Variants in GNAQ observed in about 807,000 individuals in gnomAD.
GNAQ encodes guanine nucleotide-binding protein G(q) subunit alpha.
A neutral mutation model predicts 43.9 loss-of-function variants in GNAQ; 8 were observed. That is an observed-to-expected ratio of 0.18 (90% CI 0.11 to 0.33). The LOEUF (loss-of-function observed/expected upper bound fraction) is 0.33, where lower values mean the gene tolerates loss of function less well. GNAQ is among the 10% of genes least tolerant of loss of function. The probability of loss-of-function intolerance (pLI) is 1.00; values close to 1 mark genes in which losing one functional copy is unlikely to be tolerated. For synonymous variants in GNAQ, 155 were observed against 170.7 expected, an observed-to-expected ratio of 0.91 and a Z score of 0.71; for missense variants, 158 against 450.8, an observed-to-expected ratio of 0.35 and a Z score of 5.88.
intron 2 of GNAQ, among the ~76,000 whole-genome samples, chr9:77,900,460 T>C (rs1447117212): frequency 6.6e-6 from 1 of 152,186 alleles, no homozygotes; most frequent in Non-Finnish European, 1.5e-5. Flanking sequence ...TCACTACCAG[T>C]AAGGCAGGCT....
At chr9:77,763,216 A>C (rs1421423171) in intron 5 of GNAQ, among the ~76,000 whole-genome samples, 1 of 151,966 alleles carries the variant, frequency 6.6e-6, no homozygotes, top group African/African-American at 2.4e-5. Flanking sequence ...AAAGGATATG[A>C]TCTATAAAAC....
At chr9:77,727,087 C>CT (rs60016428) in intron 6 of GNAQ, among the ~76,000 whole-genome samples, 2,052 of 139,208 alleles carry the variant, frequency 0.015, 44 homozygotes, top group African/African-American at 0.048. Context: ...AATAAATAAA[C>CT]TTTTTTTTTT....
chr9:77,795,228 ATAC>A (rs1009432074), intron 4 of GNAQ, among the ~76,000 whole-genome samples: 2 of 152,196 alleles, frequency 1.3e-5, no homozygotes, highest in African/African-American at 4.8e-5. Flanking sequence ...GTGAATGAAG[ATAC>A]TACAAGGTAC....
chr9:77,889,592 G>A, intron 2 of GNAQ, among the ~76,000 whole-genome samples: 1 of 152,088 alleles, frequency 6.6e-6, no homozygotes, highest in East Asian at 1.9e-4. Flanking sequence ...GACACATGTT[G>A]ATCCTTCCAG....
chr9:77,990,370 C>T (rs1208334879), intron 1 of GNAQ, among the ~76,000 whole-genome samples: 1 of 152,144 alleles, frequency 6.6e-6, no homozygotes, highest in Non-Finnish European at 1.5e-5. Context: ...AATGAGCATG[C>T]CATTATGGCC....
At chr9:77,784,325 A>G (rs1160755612) in intron 5 of GNAQ, among the ~76,000 whole-genome samples, 2 of 152,186 alleles carry the variant, frequency 1.3e-5, no homozygotes, top group East Asian at 3.8e-4. Context: ...TGTGTACCTT[A>G]AAATAAAAGT....
intron 3 of GNAQ, among the ~76,000 whole-genome samples, chr9:77,803,010 G>A (rs10869971): frequency 0.54 from 81,355 of 151,364 alleles, 24,520 homozygotes; most frequent in Non-Finnish European, 0.68. Flanking sequence ...CGGTGGTCAG[G>A]GCCCACAAGT....
At chr9:77,864,458 G>A (rs537280864) in intron 2 of GNAQ, among the ~76,000 whole-genome samples, 1 of 152,320 alleles carries the variant, frequency 6.6e-6, no homozygotes, top group South Asian at 2.1e-4. Context: ...AGATTAGCCT[G>A]GATTATCCAA....
chr9:77,789,821 G>A (rs1175347629), intron 5 of GNAQ, among the ~76,000 whole-genome samples: 1 of 152,140 alleles, frequency 6.6e-6, no homozygotes, highest in Non-Finnish European at 1.5e-5. Flanking sequence ...GTTCATGTGT[G>A]TCTGCTTCCC....
intron 5 of GNAQ, among the ~76,000 whole-genome samples, chr9:77,733,903 G>C (rs1279840857): frequency 6.6e-6 from 1 of 152,222 alleles, no homozygotes; most frequent in African/African-American, 2.4e-5. Flanking sequence ...ATCAGAGCTT[G>C]CAAGGAGGAA....
At chr9:77,748,594 G>C (rs1421864686) in intron 5 of GNAQ, among the ~76,000 whole-genome samples, 1 of 152,200 alleles carries the variant, frequency 6.6e-6, no homozygotes, top group African/African-American at 2.4e-5. Flanking sequence ...AGTAGCCTAA[G>C]TGGTATCTGT....
At chr9:77,784,882 C>G (rs750589899) in intron 5 of GNAQ, among the ~76,000 whole-genome samples, 5 of 152,178 alleles carry the variant, frequency 3.3e-5, no homozygotes, top group African/African-American at 4.8e-5. Context: ...CAAATTCACA[C>G]CACAATGATA....
intron 2 of GNAQ, among the ~76,000 whole-genome samples, chr9:77,885,164 A>G (rs1279054048): frequency 6.6e-6 from 1 of 152,160 alleles, no homozygotes; most frequent in African/African-American, 2.4e-5. Context: ...GGTAAGGGCA[A>G]TGAAGAAATG....
rs774951302 is a variant in GNAQ at position 77,721,496 on chromosome 9, G to T, written c.907C>A (p.Gln303Lys). ...TTCAGAATGAATTCTCGGGCTGCCT[G>T]GGCATCTCTCTGGGGTCCTTTCGGC... ...PEYDGPQRDA[Q>K]AAREFILKMF... Residue 303 changes from glutamine to lysine, a missense_variant, in exon 7 of 7, where the codon CAG becomes AAG. Physicochemically the swap from Gln to Lys is moderately conservative, Grantham distance 53 (BLOSUM62 1). Coordinates refer to ENST00000286548, the MANE Select transcript of GNAQ (RefSeq NM_002072.5). 6.2e-7 allele frequency: 1 copy of T among 1,610,514 alleles called. No homozygotes were observed. Among genetic ancestry groups the T allele is most frequent in the Non-Finnish European group, 8.5e-7 (1 of 1,177,482 alleles).
chr9:77,884,090 T>C (rs756769465), intron 2 of GNAQ, among the ~76,000 whole-genome samples: 25 of 152,278 alleles, frequency 1.6e-4, no homozygotes, highest in Non-Finnish European at 2.9e-4. Context: ...AAGCAAATAA[T>C]GCAACAACTG....
At chr9:78,013,632 C>T (rs17787202) in intron 1 of GNAQ, among the ~76,000 whole-genome samples, 2,275 of 152,076 alleles carry the variant, frequency 0.015, 21 homozygotes, top group Non-Finnish European at 0.024. Context: ...TTACTAACCA[C>T]GAAGACTTAG....
chr9:77,967,972 C>T (rs1282310603), intron 1 of GNAQ, among the ~76,000 whole-genome samples: 1 of 151,984 alleles, frequency 6.6e-6, no homozygotes, highest in African/African-American at 2.4e-5. Flanking sequence ...AAGAATGAAA[C>T]TCCATCTAAA....
chr9:78,031,312 TC>T lies in GNAQ; in HGVS notation c.-78del. ...CGCACACACACCCTCCCGCCCTCGC[TC>T]CCCCGAGGCAGCGGTGGCCGCCGAG... On this transcript the variant is annotated 5_prime_UTR_variant, in exon 1 of 7. Transcript: ENST00000286548. The T allele has an allele frequency of 8.6e-7, 1 of 1,163,742 alleles. No homozygotes were observed. The highest frequency in any genetic ancestry group is 1.1e-6 in the Non-Finnish European group (1 of 908,140). 72.1% of individuals were successfully genotyped at this position (1,163,742 alleles called of 1,614,324 possible).
At chr9:77,840,369 A>G (rs1272450812) in intron 2 of GNAQ, among the ~76,000 whole-genome samples, 3 of 76,568 alleles carry the variant, frequency 3.9e-5, no homozygotes, top group African/African-American at 1.2e-4. Context: ...TTTTTTTTTT[A>G]GACGGAGTCG....
Sources: gnomAD v4.1 joint callset for allele counts (sites outside exome capture counted in the v4.1 genomes callset) on GRCh38, gnomAD v4.1.1 for gene constraint, MANE v1.5 for transcripts, NCBI Gene and HGNC (gene_info 2026-07-23, HGNC 2026-07-21) for gene names.